Variants in MSH6 observed in about 807,000 individuals in gnomAD.
MSH6 encodes mutS homolog 6.
Under a neutral mutation model 119.1 loss-of-function variants are expected in MSH6, and 85 were observed. That is an observed-to-expected ratio of 0.71 (90% CI 0.60 to 0.85). The LOEUF is 0.85. Ranked by LOEUF, MSH6 falls within the 40% of genes least tolerant of loss-of-function variation. The probability of loss-of-function intolerance (pLI) is 0.00; values close to 1 mark genes in which losing one functional copy is unlikely to be tolerated. For synonymous variants in MSH6, 830 were observed against 586.9 expected (o/e 1.41, Z -5.99); for missense variants, 2,163 against 1,655.3 (o/e 1.31, Z -5.32).
rs200938360 is a variant in MSH6 at position 47,799,347 on chromosome 2, A to C, written c.1364A>C (p.Asn455Thr). The change falls in exon 4 of 10, where the codon AAC (asparagine) becomes ACC (threonine). Residue 455 changes from asparagine to threonine, a missense_variant. Physicochemically the swap from Asn to Thr is moderately conservative, Grantham distance 65. Coordinates refer to ENST00000234420, the MANE Select transcript of MSH6 (RefSeq NM_000179.3). ...SELGLVFMKG[N>T]WAHSGFPEIA... Reference sequence around the variant, plus strand: ...CTGGGGCTGGTATTCATGAAAGGCAACTGGGCCCATTCTGGCTTTCCTGAA... The same window carrying C: ...CTGGGGCTGGTATTCATGAAAGGCACCTGGGCCCATTCTGGCTTTCCTGAA... 3.0e-5 allele frequency: 49 copies of C among 1,613,910 alleles called. No homozygotes were observed. The highest frequency in any genetic ancestry group is 6.7e-5 in the Admixed American group (4 of 59,994).
intron 2 of MSH6, 83 bp from the exon 3 acceptor site, chr2:47,795,811 C>T (rs1045058278): frequency 2.4e-5 from 29 of 1,211,126 alleles, no homozygotes; most frequent in Middle Eastern, 2.0e-4. Flanking sequence ...GCTATGTTGC[C>T]CAGGCTGGTC....
rs764478569 is a variant in MSH6 at position 47,798,642 on chromosome 2, A to G, written c.659A>G (p.Glu220Gly). The stretch of plus-strand genomic sequence containing the variant: ...ACAACTTACGTAACAGATAAGAGTG[A>G]AGAAGATAATGAAATTGAGAGTGAA... The part of the protein sequence containing the change: ...VGTTYVTDKS[E>G]EDNEIESEEE... The change falls in exon 4 of 10, where the codon GAA becomes GGA. Residue 220 changes from glutamate (E) to glycine (G), a missense_variant. Transcript: ENST00000234420. 9 of 1,612,438 alleles carry G rather than the reference A, an allele frequency of 5.6e-6. No individual in the cohort carries two copies. In the South Asian group the frequency reaches 8.8e-5, roughly 16 times the overall value.
Position 47,783,298 on chromosome 2 carries a change from A to G in MSH6, c.65A>G (p.Lys22Arg). Residue 22 changes from lysine (K) to arginine (R), a missense_variant, in exon 1 of 10, where the codon AAG (lysine) becomes AGG (arginine). Physicochemically the swap from Lys to Arg is conservative, Grantham distance 26. Transcript: ENST00000234420. ...TCTCCGGCGCTGAGTGATGCCAACA[A>G]GGCCTCGGCCAGGGCCTCACGCGAA... The part of the protein sequence containing the change: ...PKSPALSDAN[K>R]ASARASREGG... 1 of 1,612,066 alleles carries G rather than the reference A, an allele frequency of 6.2e-7. No homozygotes were observed. The highest frequency in any genetic ancestry group is 8.5e-7 in the Non-Finnish European group (1 of 1,179,542).
chr2:47,806,981 TTAAAC>T, downstream of MSH6: 1 of 772,484 alleles, frequency 1.3e-6, no homozygotes, highest in Non-Finnish European at 2.2e-6. Flanking sequence ...TTCTAGGAAA[TTAAAC>T]CCTTTTAATT....
At chr2:47,808,458 C>T (rs1411928396), downstream of MSH6, 5 of 1,534,832 alleles carry the variant, frequency 3.3e-6, no homozygotes, top group African/African-American at 2.8e-5. Context: ...TTACTTTTCT[C>T]AAACATGTCA....
At chr2:47,809,002 TACAGTCTTAA>T (rs1474140412), downstream of MSH6, 1 of 538,528 alleles carries the variant, frequency 1.9e-6, no homozygotes, top group Non-Finnish European at 3.3e-6. Context: ...TACCCACAGT[TACAGTCTTAA>T]ACACGATCTT....
rs370816858 is a variant in MSH6 at position 47,783,217 on chromosome 2, C to A, written c.-17C>A. 1 of 1,611,082 alleles carries A rather than the reference C, an allele frequency of 6.2e-7. No individual in the cohort carries two copies. The highest frequency in any genetic ancestry group is 1.3e-5 in the African/African-American group (1 of 74,554). On this transcript the variant is annotated 5_prime_UTR_variant, in exon 1 of 10. Transcript: ENST00000234420. ...AGCTCCGTCCGACAGAACGGTTGGG[C>A]CTTGCCGGCTGTCGGTATGTCGCGA...
At chr2:47,801,995 C>T (rs961050646) in intron 4 of MSH6, among the ~76,000 whole-genome samples, 7 of 152,108 alleles carry the variant, frequency 4.6e-5, no homozygotes, top group Non-Finnish European at 7.4e-5. Context: ...TATTTTAGAT[C>T]GAATTTTATT....
chr2:47,797,922 C>G (rs546218461), intron 3 of MSH6: 5 of 216,144 alleles, frequency 2.3e-5, no homozygotes, highest in Non-Finnish European at 4.9e-5. Context: ...AAACTCAAGC[C>G]TCAGCACAAT....
rs1553413730 is a variant in MSH6, at chr2:47,800,351, G to C, written c.2368G>C (p.Asp790His). The C allele has an allele frequency of 6.2e-7, 1 of 1,614,028 alleles. No individual in the cohort carries two copies. Residue 790 changes from aspartate (D) to histidine (H), a missense_variant, in exon 4 of 10, where the codon GAT becomes CAT. By Grantham distance (81) the Asp-to-His change is moderately conservative (BLOSUM62 -1). Coordinates refer to ENST00000234420, the MANE Select transcript of MSH6 (RefSeq NM_000179.3). Reference sequence around the variant, plus strand: ...ACTCTGTAACCATTATGCTATTAATGATCGTCTAGATGCCATAGAAGACCT... The same window carrying C: ...ACTCTGTAACCATTATGCTATTAATCATCGTCTAGATGCCATAGAAGACCT... ...APLCNHYAIN[D>H]RLDAIEDLMV...
intron 1 of MSH6, among the ~76,000 whole-genome samples, chr2:47,787,860 A>G (rs1269969664): frequency 6.6e-6 from 1 of 152,106 alleles, no homozygotes; most frequent in African/African-American, 2.4e-5. Context: ...CTCTTAAGAG[A>G]TCCTCCCAAA....
chr2:47,798,264 G>C (rs1323670096), intron 3 of MSH6, among the ~76,000 whole-genome samples: 2 of 152,198 alleles, frequency 1.3e-5, no homozygotes, highest in East Asian at 3.8e-4. Flanking sequence ...CAGTAGTACA[G>C]ATGGGGTTAT....
At chr2:47,805,746 TAAA>T (rs1558391180) in intron 7 of MSH6, 39 bp downstream of exon 7, 1 of 1,322,914 alleles carries the variant, frequency 7.6e-7, no homozygotes, top group South Asian at 1.2e-5. Context: ...CTATCTATCT[TAAA>T]AACATTTGTA....
rs748977698 is a variant in MSH6 at position 47,796,077 on chromosome 2, A to G, written c.627+14A>G. 3 of 1,613,948 alleles carry G rather than the reference A, an allele frequency of 1.9e-6. No individual in the cohort carries two copies. The highest frequency in any genetic ancestry group is 4.5e-5 in the East Asian group (2 of 44,884). ...GAAGAGATGGAGGTGGGACACGGCA[A>G]GCATTCAGTTGTTATTTATGTTAGG... is the stretch of plus-strand genomic sequence containing the variant. On this transcript the variant is annotated intron_variant, in intron 3 of 9. Coordinates refer to ENST00000234420, the MANE Select transcript of MSH6 (RefSeq NM_000179.3).
At position 47,803,695 on chromosome 2, in the gene MSH6, TCTTAA is replaced by T; in HGVS notation, c.3438+11_3438+15del. On this transcript the variant is annotated intron_variant, in intron 5 of 9. Transcript: ENST00000234420. ...TACGCTTATGAGACAGGTAACTGAT[TCTTAA>T]AGTTTTGTTATCAGAAAGTCATTTG... 6.2e-7 allele frequency: 1 copy of T among 1,614,182 alleles called. No individual in the cohort carries two copies. Among genetic ancestry groups the T allele is most frequent in the Non-Finnish European group, 8.5e-7 (1 of 1,180,018 alleles).
chr2:47,796,511 G>A (rs1669105835), intron 3 of MSH6, among the ~76,000 whole-genome samples: 1 of 152,064 alleles, frequency 6.6e-6, no homozygotes, highest in Admixed American at 6.5e-5. Context: ...CAAAGTGTTG[G>A]GATTACAGGC....
At position 47,783,710 on chromosome 2, in the gene MSH6, C is replaced by T. The variant is rs1040058041; in HGVS notation, c.260+217C>T. 1.9e-5 allele frequency: 10 copies of T among 521,792 alleles called. No homozygotes were observed. In the African/African-American group the frequency reaches 2.0e-4, roughly 10 times the overall value. The allele number at this position is 521,792 out of a possible 1,614,324, so 32.3% of individuals were successfully genotyped here. A position where few individuals can be genotyped will look rare whatever the true frequency, so the allele number is the denominator to read the frequency against. ...ACAGGGTCGGAGGAGAGAGGCTGTG[C>T]AGGAAGAGGGCTGCAGGGGAGACGC... On this transcript the variant is annotated intron_variant, in intron 1 of 9. Coordinates refer to ENST00000234420, the MANE Select transcript of MSH6 (RefSeq NM_000179.3).
rs1020017606 is a variant in MSH6 at position 47,803,310 on chromosome 2, G to A, written c.3173-110G>A. ...TGGGGGAGATCGTTGGACTGTAATT[G>A]AAAGTTATGTCTTATAATGAAATGT... is the stretch of plus-strand genomic sequence containing the variant. On this transcript the variant is annotated intron_variant, in intron 4 of 9. Transcript: ENST00000234420. The A allele has an allele frequency of 2.1e-6, 3 of 1,426,990 alleles. No individual in the cohort carries two copies. The African/African-American group carries it at 4.2e-5, about 20-fold the overall frequency. The allele number at this position is 1,426,990 out of a possible 1,614,324, so 88.4% of individuals were successfully genotyped here. A position where few individuals can be genotyped will look rare whatever the true frequency, so the allele number is the denominator to read the frequency against.
At chr2:47,806,383 C>G (rs773155290) in intron 8 of MSH6, 25 bp downstream of exon 8, 21 of 1,613,388 alleles carry the variant, frequency 1.3e-5, no homozygotes, top group Non-Finnish European at 1.8e-5. Flanking sequence ...TTTTTTTCCA[C>G]AAATTCGGTT....
Sources: allele counts gnomAD v4.1 joint callset (sites outside exome capture counted in the v4.1 genomes callset), GRCh38; gene constraint gnomAD v4.1.1; transcripts MANE v1.5; gene names NCBI Gene and HGNC (gene_info 2026-07-23, HGNC 2026-07-21).